LTBP4: variants seen among roughly 807,000 people sequenced by gnomAD.
The protein encoded by LTBP4 is latent-transforming growth factor beta-binding protein 4.
A neutral mutation model predicts 180.2 loss-of-function variants in LTBP4; 93 were observed. That is an observed-to-expected ratio of 0.52 (90% confidence interval 0.44 to 0.61). The LOEUF (loss-of-function observed/expected upper bound fraction) is 0.61. Among genes scored for constraint, LTBP4 ranks in the 20% least tolerant of loss-of-function variants. The probability of loss-of-function intolerance (pLI) is 0.00; values close to 1 mark genes in which losing one functional copy is unlikely to be tolerated. For synonymous variants in LTBP4, 947 were observed against 934.5 expected (o/e 1.01, Z -0.24); for missense variants, 2,116 against 2,256.5 (o/e 0.94, Z 1.26).
chr19:40,611,564 C>G lies in LTBP4; in HGVS notation c.2053+170C>G, dbSNP rs553392561. 1.3e-5 allele frequency among the ~76,000 whole-genome samples: 2 copies of G among 152,164 alleles called. No homozygotes were observed. Among genetic ancestry groups the G allele is most frequent in the South Asian group, 4.1e-4 (2 of 4,820 alleles). ...TCTCCTTTCAACAAAATAAGGCAGT[C>G]CTCCCCACCCCTCCTCCCTTTTTGA... On this transcript the variant is annotated intron_variant, in intron 13 of 29. Coordinates refer to ENST00000396819, the MANE Select transcript of LTBP4 (RefSeq NM_001042545.2). This position sits in a 1 kb window ranked among gnomAD's most constrained non-coding sequence, Gnocchi z 4.4.
intron 21 of LTBP4, among the ~76,000 whole-genome samples, chr19:40,618,095 G>T (rs1260190840): frequency 1.3e-5 from 2 of 150,896 alleles, no homozygotes; most frequent in Non-Finnish European, 2.9e-5. Context: ...GTGGGGTCTT[G>T]CTCTGTTGCC....
intron 22 of LTBP4, among the ~76,000 whole-genome samples, chr19:40,619,887 T>C (rs1482365268): frequency 6.6e-6 from 1 of 152,116 alleles, no homozygotes; most frequent in Non-Finnish European, 1.5e-5. Flanking sequence ...AGGGGGGTTT[T>C]GGAGGAGGCG....
At chr19:40,624,739 T>G (rs2081612455) in intron 26 of LTBP4, among the ~76,000 whole-genome samples, 1 of 151,970 alleles carries the variant, frequency 6.6e-6, no homozygotes, top group Non-Finnish European at 1.5e-5. Flanking sequence ...TAATTTTTAA[T>G]TTTTAGTTTT....
intron 6 of LTBP4, 150 bp downstream of exon 6, chr19:40,606,676 C>G: frequency 1.0e-6 from 1 of 958,506 alleles, no homozygotes; most frequent in South Asian, 1.7e-5. Context: ...TTCTCAGATT[C>G]TTATACAGCT....
chr19:40,629,644 C>T lies in LTBP4; in HGVS notation c.*94C>T, dbSNP rs1422668455. 6.5e-6 allele frequency: 8 copies of T among 1,222,340 alleles called. No homozygotes were observed. Among genetic ancestry groups the T allele is most frequent in the South Asian group, 2.2e-5 (1 of 44,686 alleles). The allele number at this position is 1,222,340 out of a possible 1,614,324, so 75.7% of individuals were successfully genotyped here. Reference sequence around the variant, plus strand: ...GCTTATGCGTATGTGCACGGGGCCGCCCGCCTGGACCTGGAGAAGGGACCT... The same window carrying T: ...GCTTATGCGTATGTGCACGGGGCCGTCCGCCTGGACCTGGAGAAGGGACCT... On this transcript the variant is annotated 3_prime_UTR_variant, in exon 30 of 30. Transcript: ENST00000396819. The surrounding 1 kb of genome is among the most constrained non-coding windows in gnomAD (Gnocchi z 4.5).
upstream of LTBP4, chr19:40,599,346 G>A (rs73544960): frequency 8.2e-4 from 1,320 of 1,611,106 alleles, 7 homozygotes; most frequent in African/African-American, 0.015. Flanking sequence ...TCATCCCAGT[G>A]GGAGAGCTGG....
intron 12 of LTBP4, 139 bp downstream of exon 12, chr19:40,610,796 C>G (rs1599865943): frequency 7.7e-7 from 1 of 1,293,626 alleles, no homozygotes; most frequent in Non-Finnish European, 1.0e-6. Flanking sequence ...AGACGTGTGG[C>G]CTGATGGCAG....
upstream of LTBP4, chr19:40,598,572 TGAGGCC>T (rs2081403727): frequency 6.5e-6 from 1 of 153,086 alleles, no homozygotes; most frequent in Non-Finnish European, 1.5e-5. Flanking sequence ...GGCGGGAAAC[TGAGGCC>T]CAAAGACCAA....
intron 19 of LTBP4, among the ~76,000 whole-genome samples, chr19:40,616,326 C>T (rs1029370297): frequency 6.9e-6 from 1 of 145,590 alleles, no homozygotes; most frequent in Non-Finnish European, 1.5e-5. Context: ...TGGGGTGGCT[C>T]ATGCCTATAA....
At position 40,605,675 on chromosome 19, in the gene LTBP4, G is replaced by C; in HGVS notation, c.690+23G>C. ...GAAGTGAGAGGAGGCCCGTGGGGAG[G>C]GGCCCGGAGCTTGCCTCCGCGCGGG... On this transcript the variant is annotated intron_variant, in intron 3 of 29. Transcript: ENST00000396819. This position sits in a 1 kb window ranked among gnomAD's most constrained non-coding sequence, Gnocchi z 5.5. The C allele has an allele frequency of 1.9e-6, 3 of 1,551,582 alleles. No homozygotes were observed. Among genetic ancestry groups the C allele is most frequent in the Non-Finnish European group, 1.7e-6 (2 of 1,148,534 alleles).
intron 28 of LTBP4, among the ~76,000 whole-genome samples, 166 bp downstream of exon 28, chr19:40,627,521 G>A (rs998769591): frequency 3.1e-4 from 47 of 152,314 alleles, no homozygotes; most frequent in African/African-American, 1.0e-3. Context: ...GAAAGAGAAG[G>A]TGGCAGAGGG....
rs1467016866 is a variant in LTBP4 at position 40,614,463 on chromosome 19, C to G, written c.2812+17C>G. The G allele has an allele frequency of 2.7e-5, 43 of 1,595,232 alleles. No homozygotes were observed. Among genetic ancestry groups the G allele is most frequent in the Non-Finnish European group, 3.5e-5 (41 of 1,178,270 alleles). On this transcript the variant is annotated intron_variant, in intron 19 of 29. Transcript: ENST00000396819. ...CCTGTGACGGTGAGCCTGCCCCCACCCGCCTTCGCTAGCGCTTGCAACGCG... is the reference window on the plus strand; with the variant it reads ...CCTGTGACGGTGAGCCTGCCCCCACGCGCCTTCGCTAGCGCTTGCAACGCG...
chr19:40,597,127 G>A (rs1654867307), upstream of LTBP4: 2 of 1,080,152 alleles, frequency 1.9e-6, no homozygotes, highest in Non-Finnish European at 2.4e-6. Flanking sequence ...TGTGGAGAAA[G>A]TGAGTCGGCC....
chr19:40,611,963 A>G lies in LTBP4; in HGVS notation c.2158A>G (p.Thr720Ala), dbSNP rs1131620. The G allele has an allele frequency of 0.43, 690,110 of 1,610,558 alleles. 151,466 individuals are homozygous for G. Among genetic ancestry groups the G allele is most frequent in the African/African-American group, 0.58 (43,764 of 74,850 alleles). The change falls in exon 14 of 30, where the codon ACT becomes GCT. Residue 720 changes from threonine (T) to alanine (A), a missense_variant. Around this residue, in one of 5 missense-constraint regions of LTBP4, gnomAD observed 877 missense variants for 873.6 expected, o/e 1.00. Coordinates refer to ENST00000396819, the MANE Select transcript of LTBP4 (RefSeq NM_001042545.2). This position sits in a 1 kb window ranked among gnomAD's most constrained non-coding sequence, Gnocchi z 4.4. ...CTGCCCCATGGGCTTCCAACCCAACACTGCTGGCTCCGAGTGCGAGGGTGA... is the reference window on the plus strand; with the variant it reads ...CTGCCCCATGGGCTTCCAACCCAACGCTGCTGGCTCCGAGTGCGAGGGTGA... ...CVCPMGFQPN[T>A]AGSECEDVDE...
At chr19:40,626,902 C>T in intron 27 of LTBP4, 73 bp from the exon 28 acceptor site, 2 of 1,466,980 alleles carry the variant, frequency 1.4e-6, no homozygotes, top group Non-Finnish European at 9.0e-7. Context: ...GCCTCCTCTC[C>T]CAAGGGGGGT....
Position 40,608,100 on chromosome 19 carries a change from A to G in LTBP4, c.1157-120A>G, listed in dbSNP as rs1042579165. 21 of 1,079,452 alleles carry G rather than the reference A, an allele frequency of 1.9e-5. No individual in the cohort carries two copies. The Admixed American group carries it at 4.0e-4, about 20-fold the overall frequency. The allele number at this position is 1,079,452 out of a possible 1,614,324, so 66.9% of individuals were successfully genotyped here. A position where few individuals can be genotyped will look rare whatever the true frequency, so the allele number is the denominator to read the frequency against. On this transcript the variant is annotated intron_variant, in intron 7 of 29. Transcript: ENST00000396819. ...AGGACACCACCCCATCCCAGCCTCC[A>G]GCTCAAACCCCTGACACTCTCCAGC...
intron 1 of LTBP4, among the ~76,000 whole-genome samples, chr19:40,593,522 G>A (rs964467899): frequency 6.6e-6 from 1 of 151,500 alleles, no homozygotes; most frequent in Non-Finnish European, 1.5e-5. Context: ...GGGATTACAG[G>A]TGTGAGCTAC....
chr19:40,601,738 A>T, intron 1 of LTBP4, 101 bp downstream of exon 1: 1 of 945,156 alleles, frequency 1.1e-6, no homozygotes, highest in Non-Finnish European at 1.4e-6. Flanking sequence ...CCCAGATTCC[A>T]TATGCAATAG....
rs772081280 is a variant in LTBP4 at position 40,613,427 on chromosome 19, G to A, written c.2455G>A (p.Asp819Asn). ...CADVNECLEG[D>N]FCFPHGECLN... Reference sequence around the variant, plus strand: ...AGACGTGAACGAGTGCCTGGAGGGCGATTTCTGCTTCCCTCACGGCGAGTG... The same window carrying A: ...AGACGTGAACGAGTGCCTGGAGGGCAATTTCTGCTTCCCTCACGGCGAGTG... The change falls in exon 17 of 30, where the codon GAT becomes AAT. Residue 819 changes from aspartate (D) to asparagine (N), a missense_variant. Physicochemically the swap from Asp to Asn is conservative, Grantham distance 23. Coordinates refer to ENST00000396819, the MANE Select transcript of LTBP4 (RefSeq NM_001042545.2). The surrounding 1 kb of genome is among the most constrained non-coding windows in gnomAD (Gnocchi z 5.0). The A allele has an allele frequency of 1.6e-5, 26 of 1,605,962 alleles. No individual in the cohort carries two copies. The highest frequency in any genetic ancestry group is 2.2e-5 in the Non-Finnish European group (26 of 1,176,770).
Sources: allele counts gnomAD v4.1 joint callset (sites outside exome capture counted in the v4.1 genomes callset), GRCh38; gene constraint gnomAD v4.1.1; regional missense constraint gnomAD v4.1.1; non-coding constraint Gnocchi (gnomAD v3.1); transcripts MANE v1.5; gene names NCBI Gene and HGNC (gene_info 2026-07-23, HGNC 2026-07-21).